IPO7: variants seen among roughly 807,000 people sequenced by gnomAD.
IPO7 encodes the protein importin-7.
A neutral mutation model predicts 136.4 loss-of-function variants in IPO7; 13 were observed. The observed-to-expected ratio is 0.10, with a 90% confidence interval of 0.06 to 0.15. IPO7 has a LOEUF of 0.15. Ranked by LOEUF, IPO7 falls within the 10% of genes least tolerant of loss-of-function variation. The pLI, the probability that IPO7 is intolerant of heterozygous loss-of-function variation, is 1.00. For missense variants in IPO7, 857 were observed against 1,240.6 expected (o/e 0.69, Z 4.65); for synonymous variants, 403 against 404.4 (o/e 1.00, Z 0.04).
intron 4 of IPO7, 63 bp downstream of exon 4, chr11:9,410,149 C>A: frequency 5.5e-6 from 6 of 1,091,566 alleles, no homozygotes; most frequent in East Asian, 2.8e-5. Context: ...AAAATTTAAG[C>A]CAATTTGAAC....
At chr11:9,402,116 G>A (rs900674984) in intron 1 of IPO7, among the ~76,000 whole-genome samples, 1 of 152,064 alleles carries the variant, frequency 6.6e-6, no homozygotes, top group Non-Finnish European at 1.5e-5. Context: ...AATGCTAGTT[G>A]GAGGGCCTGG....
chr11:9,391,243 T>C (rs112765904), intron 1 of IPO7, among the ~76,000 whole-genome samples: 1,797 of 149,728 alleles, frequency 0.012, 35 homozygotes, highest in African/African-American at 0.042. Context: ...ACTGAAAATA[T>C]GAAAAATTAG....
rs1590438931 is a variant in IPO7, at chr11:9,417,064, A to G, written c.642A>G (p.Thr214=). The part of the protein sequence containing the change: ...FKIFYALVQY[T]LPLELINQQN... ...AATTCTTGACTTTTATTTAGTATAC[A>G]CTACCACTGGAACTGATAAACCAAC... Residue 214 remains threonine (T), a synonymous_variant, in exon 6 of 25, where the codon ACA becomes ACG. Coordinates refer to ENST00000379719, the MANE Select transcript of IPO7 (RefSeq NM_006391.3). The G allele has an allele frequency of 2.7e-6, 4 of 1,469,518 alleles. No homozygotes were observed. Among genetic ancestry groups the G allele is most frequent in the East Asian group, 2.3e-5 (1 of 43,890 alleles). The allele number at this position is 1,469,518 out of a possible 1,614,324, so 91.0% of individuals were successfully genotyped here.
At chr11:9,424,569 C>A (rs1295505637) in intron 10 of IPO7, among the ~76,000 whole-genome samples, 1 of 152,074 alleles carries the variant, frequency 6.6e-6, no homozygotes, top group Non-Finnish European at 1.5e-5. Flanking sequence ...TATAGTGAAA[C>A]CCCATCTCTA....
At position 9,440,669 on chromosome 11, in the gene IPO7, A is replaced by T; in HGVS notation, c.2902+8A>T. On this transcript the variant is annotated splice_region_variant and intron_variant, in intron 23 of 24. Coordinates refer to ENST00000379719, the MANE Select transcript of IPO7 (RefSeq NM_006391.3). ...TTAAAGCTATCTTTCAAAGTAAGTC[A>T]ACTTGTTACATGTGGATCCATTTCA... The T allele has an allele frequency of 6.4e-7, 1 of 1,570,068 alleles. No individual in the cohort carries two copies. The highest frequency in any genetic ancestry group is 8.8e-7 in the Non-Finnish European group (1 of 1,140,522).
chr11:9,445,021 TG>T, intron 24 of IPO7, 75 bp from the exon 25 acceptor site: 1 of 900,844 alleles, frequency 1.1e-6, no homozygotes. Context: ...GCTACTGGCT[TG>T]TTTAATGTTT....
chr11:9,412,855 C>G (rs534155901), intron 4 of IPO7, among the ~76,000 whole-genome samples: 96 of 147,982 alleles, frequency 6.5e-4, no homozygotes, highest in Middle Eastern at 7.0e-3. Flanking sequence ...ACTGGAATTG[C>G]TTTTGTGTAG....
intron 12 of IPO7, among the ~76,000 whole-genome samples, chr11:9,427,172 A>G (rs1473148188): frequency 1.3e-5 from 2 of 151,930 alleles, no homozygotes; most frequent in African/African-American, 2.4e-5. Flanking sequence ...TAATTGGGTT[A>G]TTTGTCTTTT....
chr11:9,413,486 T>A lies in IPO7; in HGVS notation c.480-769T>A, dbSNP rs974330173. Among the ~76,000 whole-genome samples the A allele has an allele frequency of 2.0e-5, 3 of 152,114 alleles. No homozygotes were observed. In the South Asian group the frequency reaches 6.2e-4, roughly 31 times the overall value. On this transcript the variant is annotated intron_variant, in intron 4 of 24. Coordinates refer to ENST00000379719, the MANE Select transcript of IPO7 (RefSeq NM_006391.3). ...CAAATATAATCAAATACTTCCTAAT[T>A]TATTATTTATAATTTATACAAATAT... is the stretch of plus-strand genomic sequence containing the variant.
intron 1 of IPO7, among the ~76,000 whole-genome samples, chr11:9,397,188 T>C (rs1854720211): frequency 6.6e-6 from 1 of 150,534 alleles, no homozygotes; most frequent in Non-Finnish European, 1.5e-5. Flanking sequence ...GGTGTGATCA[T>C]AGCTCACTGC....
intron 1 of IPO7, among the ~76,000 whole-genome samples, chr11:9,392,729 A>G (rs947264746): frequency 6.6e-6 from 1 of 152,050 alleles, no homozygotes; most frequent in Non-Finnish European, 1.5e-5. Context: ...TGGGTGGATC[A>G]TCTGAGGTCA....
At position 9,388,181 on chromosome 11, in the gene IPO7, A is replaced by T. The variant is rs536236119; in HGVS notation, c.84+3334A>T. ...AAAATAAAAATAAATAAATAAATAA[A>T]TTTTTTTTTTTTTGAGACGGAGTCT... is the stretch of plus-strand genomic sequence containing the variant. On this transcript the variant is annotated intron_variant, in intron 1 of 24. Coordinates refer to ENST00000379719, the MANE Select transcript of IPO7 (RefSeq NM_006391.3). Among the ~76,000 whole-genome samples, 64 of 146,088 alleles carry T rather than the reference A, an allele frequency of 4.4e-4. 1 individual carries two copies. Among genetic ancestry groups the T allele is most frequent in the South Asian group, 1.3e-3 (6 of 4,602 alleles).
chr11:9,437,707 A>G (rs1855399152), intron 20 of IPO7, 47 bp from the exon 21 acceptor site: 1 of 1,331,822 alleles, frequency 7.5e-7, no homozygotes, highest in Non-Finnish European at 1.1e-6. Flanking sequence ...GAATGTTTGC[A>G]TGCTATTAAT....
intron 12 of IPO7, 121 bp from the exon 13 acceptor site, chr11:9,428,419 C>T: frequency 2.1e-6 from 1 of 476,812 alleles, no homozygotes; most frequent in East Asian, 3.2e-5. Flanking sequence ...TTCTGGGGTT[C>T]AAAGAATGAG....
chr11:9,441,124 T>TTTAATCTATTATTACTAAA (rs1485675074), intron 23 of IPO7, among the ~76,000 whole-genome samples: 1 of 152,260 alleles, frequency 6.6e-6, no homozygotes, highest in Admixed American at 6.5e-5. Flanking sequence ...TGTTAACTAA[T>TTTAATCTATTATTACTAAA]TTAATCTATT....
rs1256092417 is a variant in IPO7, at chr11:9,438,246, A to G, written c.2656A>G (p.Ser886Gly). ...CTGCCATGCAGAACATGAGAATGAC[A>G]GTGATGATGATGATGAAGCTGAAGA... The part of the protein sequence containing the change: ...YACHAEHEND[S>G]DDDDEAEDDD... The change falls in exon 22 of 25, where the codon AGT becomes GGT. Residue 886 changes from serine to glycine, a missense_variant. Around this residue, in one of 11 missense-constraint regions of IPO7, gnomAD observed 119 missense variants for 155.5 expected, o/e 0.77. Coordinates refer to ENST00000379719, the MANE Select transcript of IPO7 (RefSeq NM_006391.3). 5 of 1,601,170 alleles carry G rather than the reference A, an allele frequency of 3.1e-6. No individual in the cohort carries two copies. Among genetic ancestry groups the G allele is most frequent in the Non-Finnish European group, 4.3e-6 (5 of 1,169,188 alleles).
At chr11:9,412,889 ATTTT>A (rs1163764184) in intron 4 of IPO7, among the ~76,000 whole-genome samples, 2 of 126,346 alleles carry the variant, frequency 1.6e-5, no homozygotes, top group Non-Finnish European at 1.7e-5. Flanking sequence ...TGATTGATTG[ATTTT>A]TTTTTTTTTT....
chr11:9,424,236 T>G (rs1855172384), intron 10 of IPO7, among the ~76,000 whole-genome samples: 1 of 152,204 alleles, frequency 6.6e-6, no homozygotes, highest in Non-Finnish European at 1.5e-5. Flanking sequence ...ATGAAGTCCT[T>G]GCACAGAACT....
chr11:9,434,849 T>A, intron 18 of IPO7, 85 bp from the exon 19 acceptor site: 1 of 868,952 alleles, frequency 1.2e-6, no homozygotes. Flanking sequence ...CTCATAGATT[T>A]GCCTTTTTCT....
Sources: gnomAD v4.1 joint callset for allele counts (sites outside exome capture counted in the v4.1 genomes callset) on GRCh38, gnomAD v4.1.1 for gene constraint, gnomAD v4.1.1 regional missense constraint, MANE v1.5 for transcripts, NCBI Gene and HGNC (gene_info 2026-07-23, HGNC 2026-07-21) for gene names.